Variants in SLC4A9 observed in about 807,000 individuals in gnomAD.
SLC4A9 encodes solute carrier family 4 member 9.
A neutral mutation model predicts 103.2 loss-of-function variants in SLC4A9; 102 were observed. The ratio of observed to expected loss-of-function variants is 0.99; its 90% confidence interval spans 0.84 to 1.17. SLC4A9 has a LOEUF of 1.17. Ranked by LOEUF, SLC4A9 falls within the 50% of genes most tolerant of loss-of-function variation. The probability of loss-of-function intolerance (pLI) is 0.00; values close to 1 mark genes in which losing one functional copy is unlikely to be tolerated. For synonymous variants in SLC4A9, 453 were observed against 483.6 expected (o/e 0.94, Z 0.83); for missense variants, 1,091 against 1,193.7 (o/e 0.91, Z 1.27).
intron 20 of SLC4A9, 102 bp downstream of exon 20, chr5:140,372,499 A>G (rs1360156866): frequency 7.2e-6 from 11 of 1,533,204 alleles, no homozygotes; most frequent in Non-Finnish European, 9.6e-6. Flanking sequence ...AAGCCCGCAG[A>G]TCTGATCAAC....
intron 21 of SLC4A9, among the ~76,000 whole-genome samples, chr5:140,374,550 C>CA (rs70988749): frequency 0.062 from 2,900 of 46,856 alleles, 72 homozygotes; most frequent in African/African-American, 0.092. Flanking sequence ...AACTCCCTCT[C>CA]AAAAAAAAAA....
At position 140,365,967 on chromosome 5, in the gene SLC4A9, T is replaced by C. The variant is rs779535099; in HGVS notation, c.1844T>C (p.Phe615Ser). 1.2e-6 allele frequency: 2 copies of C among 1,614,042 alleles called. No homozygotes were observed. Among genetic ancestry groups the C allele is most frequent in the East Asian group, 2.2e-5 (1 of 44,890 alleles). Residue 615 changes from phenylalanine (F) to serine (S), a missense_variant, in exon 13 of 22, where the codon TTC becomes TCC. Transcript: ENST00000506757. ...TCCCTTCTCCTCTTCCTTACTTCTT[T>C]CTTCTTTGCTATGGCCCTCAAGTGT... is the stretch of plus-strand genomic sequence containing the variant. ...FFSLLLFLTS[F>S]FFAMALKCVK...
chr5:140,360,676 C>G lies in SLC4A9; in HGVS notation c.231-136C>G, dbSNP rs1766927579. 2.1e-6 allele frequency: 3 copies of G among 1,415,562 alleles called. No homozygotes were observed. In the Admixed American group the frequency reaches 6.1e-5, roughly 29 times the overall value. 87.7% of individuals were successfully genotyped at this position (1,415,562 alleles called of 1,614,324 possible). ...AAGACCCTAGATGAGGGGTGACTGCCAGGGTGGGGGGGAGACTTCACACCA... is the reference window on the plus strand; with the variant it reads ...AAGACCCTAGATGAGGGGTGACTGCGAGGGTGGGGGGGAGACTTCACACCA... On this transcript the variant is annotated intron_variant, in intron 1 of 21. Coordinates refer to ENST00000506757, the MANE Select transcript of SLC4A9 (RefSeq NM_031467.3).
chr5:140,372,372 C>T lies in SLC4A9; in HGVS notation c.2801C>T (p.Ser934Leu). Reference sequence around the variant, plus strand: ...GAGAAGGGGCTGGAGCCAGAACACTCATTCAGTGGAAGTGACAGTGAAGAT... The same window carrying T: ...GAGAAGGGGCTGGAGCCAGAACACTTATTCAGTGGAAGTGACAGTGAAGAT... ...IPEKGLEPEH[S>L]FSGSDSEDSE... Residue 934 changes from serine (S) to leucine (L), a missense_variant, in exon 20 of 22, where the codon TCA becomes TTA. Ser to Leu is a moderately radical substitution (Grantham distance 145, BLOSUM62 -2). Transcript: ENST00000506757. 6.2e-7 allele frequency: 1 copy of T among 1,610,116 alleles called. No homozygotes were observed. The highest frequency in any genetic ancestry group is 8.5e-7 in the Non-Finnish European group (1 of 1,178,960).
In SLC4A9 at chr5:140,371,091, C is replaced by G; in HGVS notation, c.2428-4C>G. 1 of 1,609,378 alleles carries G rather than the reference C, an allele frequency of 6.2e-7. No individual in the cohort carries two copies. Among genetic ancestry groups the G allele is most frequent in the Non-Finnish European group, 8.5e-7 (1 of 1,177,854 alleles). The stretch of plus-strand genomic sequence containing the variant: ...TTTGATAACTCTCTGCTTCTTTCTA[C>G]CAGTTCATTCCAATGCCTGTGCTCT... On this transcript the variant is annotated splice_region_variant and splice_polypyrimidine_tract_variant and intron_variant, in intron 17 of 21. Coordinates refer to ENST00000506757, the MANE Select transcript of SLC4A9 (RefSeq NM_031467.3).
In SLC4A9 at chr5:140,366,153, G is replaced by T; in HGVS notation, c.1902G>T (p.Val634=). The change falls in exon 14 of 22, where the codon GTG becomes GTT. Residue 634 remains valine (V), a splice_region_variant and synonymous_variant. Coordinates refer to ENST00000506757, the MANE Select transcript of SLC4A9 (RefSeq NM_031467.3). The part of the protein sequence containing the change: ...VKTSRFFPSV[V]RKGLSDFSSV... ...ACTGAGTGTCCACTGTGTGCCAGGT[G>T]CGCAAAGGGCTCAGCGACTTCTCCT... 1 of 1,613,304 alleles carries T rather than the reference G, an allele frequency of 6.2e-7. No individual in the cohort carries two copies. The highest frequency in any genetic ancestry group is 8.5e-7 in the Non-Finnish European group (1 of 1,179,492).
At chr5:140,370,001 CA>C (rs1412985667) in intron 17 of SLC4A9, among the ~76,000 whole-genome samples, 5 of 151,444 alleles carry the variant, frequency 3.3e-5, no homozygotes, top group Admixed American at 6.6e-5. Flanking sequence ...GATCTTGTCT[CA>C]AAAAACAAAA....
rs2126757060 is a variant in SLC4A9 at position 140,363,993 on chromosome 5, C to T, written c.1255-61C>T. 2 of 1,540,046 alleles carry T rather than the reference C, an allele frequency of 1.3e-6. No individual in the cohort carries two copies. Among genetic ancestry groups the T allele is most frequent in the African/African-American group, 2.7e-5 (2 of 73,150 alleles). ...TATGGGTAAGTTAAGGAGGCTCTCC[C>T]AAAGCTTCAAAGGACCCCGAGGACT... On this transcript the variant is annotated intron_variant, in intron 9 of 21. Transcript: ENST00000506757. This position sits in a 1 kb window ranked among gnomAD's most constrained non-coding sequence, Gnocchi z 4.5.
In SLC4A9 at chr5:140,361,362, G is replaced by A. The variant is rs1386537774; in HGVS notation, c.500G>A (p.Cys167Tyr). The change falls in exon 3 of 22, where the codon TGC becomes TAC. Residue 167 changes from cysteine (C) to tyrosine (Y), a missense_variant. Coordinates refer to ENST00000506757, the MANE Select transcript of SLC4A9 (RefSeq NM_031467.3). ...HYNQTTGTRP[C>Y]WGSTHPRKAS... ...AACCAGACCACAGGCACCAGGCCCT[G>A]CTGGGGTGAGAGCCCCTCCCTGGGC... 1.3e-6 allele frequency: 2 copies of A among 1,553,758 alleles called. No homozygotes were observed. Among genetic ancestry groups the A allele is most frequent in the Non-Finnish European group, 1.7e-6 (2 of 1,148,268 alleles).
intron 6 of SLC4A9, 27 bp downstream of exon 6, chr5:140,362,559 C>T (rs373117120): frequency 9.6e-5 from 150 of 1,569,644 alleles, no homozygotes; most frequent in East Asian, 1.6e-4. Context: ...TGTGTGTGTG[C>T]GCGCGCACGC....
Position 140,367,831 on chromosome 5 carries a change from A to T in SLC4A9, c.2287A>T (p.Met763Leu), listed in dbSNP as rs759385928. Residue 763 changes from methionine to leucine, a missense_variant, in exon 16 of 22, where the codon ATG (methionine) becomes TTG (leucine). Coordinates refer to ENST00000506757, the MANE Select transcript of SLC4A9 (RefSeq NM_031467.3). Reference sequence around the variant, plus strand: ...AGCCACTGTCATCTCCCTGGCTCACATGGACAGTCTTCGGAGAGAGAGCAG... The same window carrying T: ...AGCCACTGTCATCTCCCTGGCTCACTTGGACAGTCTTCGGAGAGAGAGCAG... The part of the protein sequence containing the change: ...VSATVISLAH[M>L]DSLRRESRAC... 6 of 1,613,966 alleles carry T rather than the reference A, an allele frequency of 3.7e-6. No individual in the cohort carries two copies. The highest frequency in any genetic ancestry group is 5.1e-6 in the Non-Finnish European group (6 of 1,179,874).
At chr5:140,367,276 T>TGA in intron 14 of SLC4A9, 144 bp from the exon 15 acceptor site, 1 of 993,806 alleles carries the variant, frequency 1.0e-6, no homozygotes, top group Non-Finnish European at 1.5e-6. Context: ...TGGGATGCTT[T>TGA]GAACCAGCTA....
intron 14 of SLC4A9, among the ~76,000 whole-genome samples, 172 bp downstream of exon 14, chr5:140,366,436 C>T (rs2126771365): frequency 1.3e-5 from 2 of 152,290 alleles, no homozygotes; most frequent in South Asian, 2.1e-4. Flanking sequence ...AAATGAAGTA[C>T]TGCAGCAGAC....
intron 14 of SLC4A9, 114 bp from the exon 15 acceptor site, chr5:140,367,306 C>T (rs1000778573): frequency 1.4e-5 from 17 of 1,249,886 alleles, no homozygotes; most frequent in Admixed American, 1.1e-4. Flanking sequence ...AGCCCACTAG[C>T]ATCTAGTGAC....
rs747443070 is a variant in SLC4A9 at position 140,365,490 on chromosome 5, C to T, written c.1652-30C>T. The T allele has an allele frequency of 2.5e-6, 4 of 1,593,980 alleles. No individual in the cohort carries two copies. In the Admixed American group the frequency reaches 5.3e-5, roughly 21 times the overall value. ...TGGAGGAGGTTCCCAGGGGAGGGAACATACATCTGAATTCTTCTCTGCTTC... is the reference window on the plus strand; with the variant it reads ...TGGAGGAGGTTCCCAGGGGAGGGAATATACATCTGAATTCTTCTCTGCTTC... On this transcript the variant is annotated intron_variant, in intron 11 of 21. Coordinates refer to ENST00000506757, the MANE Select transcript of SLC4A9 (RefSeq NM_031467.3).
At position 140,364,150 on chromosome 5, in the gene SLC4A9, G is replaced by A. The variant is rs1409294864; in HGVS notation, c.1351G>A (p.Val451Met). Residue 451 changes from valine (V) to methionine (M), a missense_variant, in exon 10 of 22, where the codon GTG (valine) becomes ATG (methionine). Coordinates refer to ENST00000506757, the MANE Select transcript of SLC4A9 (RefSeq NM_031467.3). Reference sequence around the variant, plus strand: ...CACCATTCTGAGCAGCACGGGGCCAGTGCTGGTCTTTGAGCGCCTGCTCTT... The same window carrying A: ...CACCATTCTGAGCAGCACGGGGCCAATGCTGGTCTTTGAGCGCCTGCTCTT... ...PLTILSSTGP[V>M]LVFERLLFSF... 2 of 1,586,194 alleles carry A rather than the reference G, an allele frequency of 1.3e-6. No homozygotes were observed. Among genetic ancestry groups the A allele is most frequent in the Non-Finnish European group, 8.6e-7 (1 of 1,165,478 alleles).
Position 140,366,271 on chromosome 5 carries a change from G to A in SLC4A9, c.2013+7G>A, listed in dbSNP as rs755768191. 1 of 1,575,574 alleles carries A rather than the reference G, an allele frequency of 6.3e-7. No homozygotes were observed. Among genetic ancestry groups the A allele is most frequent in the Non-Finnish European group, 8.6e-7 (1 of 1,159,176 alleles). On this transcript the variant is annotated splice_region_variant and intron_variant, in intron 14 of 21. Transcript: ENST00000506757. ...GGTACCCAGAGAGTTCAAGGTGAGA[G>A]CCAGGGAAGAGGGTTGGGGGACCAG...
rs1481286834 is a variant in SLC4A9, at chr5:140,363,350, C to T, written c.963-89C>T. 4 of 1,251,532 alleles carry T rather than the reference C, an allele frequency of 3.2e-6. No homozygotes were observed. The highest frequency in any genetic ancestry group is 3.0e-5 in the African/African-American group (2 of 66,584). 77.5% of individuals were successfully genotyped at this position (1,251,532 alleles called of 1,614,324 possible). Reference sequence around the variant, plus strand: ...CCCTCGCCGGCAGAGACAAGAGCAGCCGCTAGGGGGCAGGGCGCCACGAGC... The same window carrying T: ...CCCTCGCCGGCAGAGACAAGAGCAGTCGCTAGGGGGCAGGGCGCCACGAGC... On this transcript the variant is annotated intron_variant, in intron 7 of 21. Transcript: ENST00000506757. The surrounding 1 kb of genome is among the most constrained non-coding windows in gnomAD (Gnocchi z 4.5).
chr5:140,367,953 G>T (rs1213936950), intron 16 of SLC4A9, 55 bp downstream of exon 16: 3 of 1,583,492 alleles, frequency 1.9e-6, no homozygotes, highest in African/African-American at 2.7e-5. Context: ...GTAAGGCAAA[G>T]GGGAACATGG....
Sources: gnomAD v4.1 joint callset for allele counts (sites outside exome capture counted in the v4.1 genomes callset) on GRCh38, gnomAD v4.1.1 for gene constraint, Gnocchi (gnomAD v3.1) non-coding constraint, MANE v1.5 for transcripts, NCBI Gene and HGNC (gene_info 2026-07-23, HGNC 2026-07-21) for gene names.